Variants in VPS41 observed in about 807,000 individuals in gnomAD.
VPS41 encodes vacuolar protein sorting-associated protein 41 homolog.
A neutral mutation model predicts 130.9 loss-of-function variants in VPS41; 85 were observed. The ratio of observed to expected loss-of-function variants is 0.65; its 90% CI spans 0.55 to 0.78. The LOEUF (loss-of-function observed/expected upper bound fraction) is 0.78. Ranked by LOEUF, VPS41 falls within the 30% of genes least tolerant of loss-of-function variation. The pLI, the probability that VPS41 is intolerant of heterozygous loss-of-function variation, is 0.00. For synonymous variants in VPS41, 335 were observed against 332.9 expected, an observed-to-expected ratio of 1.01 and a Z score of -0.07; for missense variants, 874 against 1,018.7, an observed-to-expected ratio of 0.86 and a Z score of 1.93.
In VPS41 at chr7:38,771,281, A is replaced by T. The variant is rs3213659; in HGVS notation, c.1129-27T>A. 6,427 of 552,108 alleles carry T rather than the reference A, an allele frequency of 0.012. 64 individuals are homozygous for T. Among genetic ancestry groups the T allele is most frequent in the East Asian group, 0.12 (3,444 of 29,864 alleles). 34.2% of individuals were successfully genotyped at this position (552,108 alleles called of 1,614,324 possible). On this transcript the variant is annotated intron_variant, in intron 13 of 28. Transcript: ENST00000310301. ...TTTATTCCAAACATAAGGATGATTTAAAAAAAAAAAAAAGCAGAAAAGGAG... is the reference window on the plus strand; with the variant it reads ...TTTATTCCAAACATAAGGATGATTTTAAAAAAAAAAAAAGCAGAAAAGGAG...
chr7:38,852,105 T>C (rs1281393019), intron 4 of VPS41, among the ~76,000 whole-genome samples: 5 of 152,210 alleles, frequency 3.3e-5, no homozygotes, highest in African/African-American at 1.2e-4. Context: ...TCAGTTGCCA[T>C]GGACCCTCAG....
intron 5 of VPS41, among the ~76,000 whole-genome samples, chr7:38,825,931 A>G (rs1785265540): frequency 6.6e-6 from 1 of 152,232 alleles, no homozygotes; most frequent in Non-Finnish European, 1.5e-5. Flanking sequence ...CCAGAGTACT[A>G]TATGACCTTC....
intron 4 of VPS41, among the ~76,000 whole-genome samples, chr7:38,853,884 A>G (rs1355414891): frequency 6.6e-6 from 1 of 152,242 alleles, no homozygotes; most frequent in African/African-American, 2.4e-5. Context: ...TAAAACATTC[A>G]GTAAGTATGA....
intron 3 of VPS41, 106 bp from the exon 4 acceptor site, chr7:38,862,728 T>C (rs1262588839): frequency 4.6e-6 from 3 of 656,154 alleles, no homozygotes; most frequent in Non-Finnish European, 7.8e-6. Flanking sequence ...ATAAATGATC[T>C]GCAATGTCTC....
intron 2 of VPS41, among the ~76,000 whole-genome samples, chr7:38,871,868 C>T (rs1786371217): frequency 2.0e-5 from 3 of 152,068 alleles, no homozygotes; most frequent in Admixed American, 2.0e-4. Context: ...ATTATGTTGC[C>T]CAGGCTGGAC....
intron 10 of VPS41, among the ~76,000 whole-genome samples, chr7:38,780,111 C>T (rs896966560): frequency 6.7e-6 from 1 of 149,574 alleles, no homozygotes; most frequent in Non-Finnish European, 1.5e-5. Context: ...AGAAAATAAA[C>T]ATAAATTCTG....
At chr7:38,882,535 T>C (rs1786636062) in intron 2 of VPS41, among the ~76,000 whole-genome samples, 1 of 152,182 alleles carries the variant, frequency 6.6e-6, no homozygotes, top group Admixed American at 6.5e-5. Flanking sequence ...ACTACTCTTC[T>C]TCAGGTCTAC....
intron 4 of VPS41, among the ~76,000 whole-genome samples, chr7:38,836,119 A>G (rs1785486284): frequency 2.0e-5 from 3 of 151,932 alleles, no homozygotes; most frequent in Admixed American, 2.0e-4. Flanking sequence ...TCCATTTAGC[A>G]TTGGCTTAGT....
intron 10 of VPS41, among the ~76,000 whole-genome samples, chr7:38,786,544 C>T (rs1784442585): frequency 6.6e-6 from 1 of 152,094 alleles, no homozygotes. Context: ...AATAGATGAA[C>T]AGATACGTAA....
chr7:38,764,412 G>T (rs1018018592), intron 16 of VPS41, among the ~76,000 whole-genome samples: 3 of 152,190 alleles, frequency 2.0e-5, no homozygotes. Context: ...GGAAGGGGAG[G>T]TGGGGTCTTG....
At chr7:38,743,366 A>G in intron 24 of VPS41, 36 bp downstream of exon 24, 3 of 1,612,572 alleles carry the variant, frequency 1.9e-6, no homozygotes, top group South Asian at 1.1e-5. Flanking sequence ...ACTGAGAGAA[A>G]AAAAAGTTAT....
intron 7 of VPS41, among the ~76,000 whole-genome samples, chr7:38,797,494 T>C (rs1784644363): frequency 6.6e-6 from 1 of 152,216 alleles, no homozygotes; most frequent in Non-Finnish European, 1.5e-5. Context: ...GTCAAAAACC[T>C]CTACGATTAA....
At chr7:38,774,267 C>T (rs910047818) in intron 11 of VPS41, 23 bp from the exon 12 acceptor site, 1 of 1,553,702 alleles carries the variant, frequency 6.4e-7, no homozygotes, top group Non-Finnish European at 8.7e-7. Flanking sequence ...AAGAGAGAAA[C>T]ATTAATTTAA....
chr7:38,787,981 G>C (rs1482595248), intron 10 of VPS41, among the ~76,000 whole-genome samples: 1 of 152,114 alleles, frequency 6.6e-6, no homozygotes, highest in Non-Finnish European at 1.5e-5. Context: ...CTGCAATAAT[G>C]TGATCCCAGG....
chr7:38,783,974 A>G (rs10486680), intron 10 of VPS41, among the ~76,000 whole-genome samples: 16,951 of 152,182 alleles, frequency 0.11, 1,492 homozygotes, highest in African/African-American at 0.24. Flanking sequence ...AACATTATCA[A>G]TCTCCTCGGA....
intron 7 of VPS41, among the ~76,000 whole-genome samples, chr7:38,801,683 T>C (rs926312934): frequency 1.3e-5 from 2 of 152,236 alleles, no homozygotes; most frequent in African/African-American, 4.8e-5. Flanking sequence ...TCTTGTTCAC[T>C]GAGATTGGTG....
intron 2 of VPS41, among the ~76,000 whole-genome samples, chr7:38,895,531 G>A (rs1045400271): frequency 1.2e-4 from 18 of 152,018 alleles, no homozygotes; most frequent in African/African-American, 4.4e-4. Flanking sequence ...TAAATGTCTT[G>A]GATTTTCCTG....
chr7:38,860,812 GACAT>G lies in VPS41; in HGVS notation c.246+1729_246+1732del, dbSNP rs560065131. ...GTGCAAACTGCCAGGTCGTTAGGCA[GACAT>G]ACGCTTGGCTTCAGTAGATTCTGCC... On this transcript the variant is annotated intron_variant, in intron 4 of 28. Coordinates refer to ENST00000310301, the MANE Select transcript of VPS41 (RefSeq NM_014396.4). 5.9e-5 allele frequency among the ~76,000 whole-genome samples: 9 copies of G among 151,810 alleles called. No individual in the cohort carries two copies. The South Asian group carries it at 1.7e-3, about 28-fold the overall frequency.
intron 27 of VPS41, 157 bp from the exon 28 acceptor site, chr7:38,727,145 G>C: frequency 1.8e-6 from 1 of 548,650 alleles, no homozygotes; most frequent in African/African-American, 2.0e-5. Context: ...GGGGTGGTAT[G>C]ATCAGACACA....
Sources: allele counts gnomAD v4.1 joint callset (sites outside exome capture counted in the v4.1 genomes callset), GRCh38; gene constraint gnomAD v4.1.1; transcripts MANE v1.5; gene names NCBI Gene and HGNC (gene_info 2026-07-23, HGNC 2026-07-21).